The following CHRM3 variants were observed in gnomAD, a reference collection of about 807,000 sequenced individuals.
CHRM3 encodes cholinergic receptor muscarinic 3.
A neutral mutation model predicts 41.8 loss-of-function variants in CHRM3; 11 were observed. The ratio of observed to expected loss-of-function variants is 0.26; its 90% confidence interval spans 0.17 to 0.44. CHRM3 has a LOEUF of 0.44. CHRM3 is among the 20% of genes least tolerant of loss of function. The pLI is 1.00. For synonymous variants in CHRM3, 297 were observed against 301.4 expected, an observed-to-expected ratio of 0.99 and a Z score of 0.15; for missense variants, 571 against 745.4, an observed-to-expected ratio of 0.77 and a Z score of 2.72.
chr1:239,447,041 G>T (rs993837621), intron 1 of CHRM3, among the ~76,000 whole-genome samples: 1 of 152,088 alleles, frequency 6.6e-6, no homozygotes, highest in African/African-American at 2.4e-5. Flanking sequence ...AGCAATTTTT[G>T]TTTCTTTTGG....
chr1:239,514,834 C>G (rs1404188111), intron 2 of CHRM3, among the ~76,000 whole-genome samples: 1 of 152,082 alleles, frequency 6.6e-6, no homozygotes, highest in Non-Finnish European at 1.5e-5. Context: ...GGCTGCCGAA[C>G]TTGATCTAGG....
At chr1:239,892,330 T>A (rs1678622352) in intron 6 of CHRM3, among the ~76,000 whole-genome samples, 1 of 152,240 alleles carries the variant, frequency 6.6e-6, no homozygotes, top group Non-Finnish European at 1.5e-5. Flanking sequence ...TTTCTGTACT[T>A]GTTTCATTTT....
At position 239,673,973 on chromosome 1, in the gene CHRM3, G is replaced by A. The variant is rs76488552; in HGVS notation, c.-249-4213G>A. ...TCCAAAACTTTTTGAGCACCAACAT[G>A]ACACTCGAAGGAAATGCTACCTGGA... On this transcript the variant is annotated intron_variant, in intron 4 of 6. Coordinates refer to ENST00000676153, the MANE Select transcript of CHRM3 (RefSeq NM_001375978.1). Among the ~76,000 whole-genome samples the A allele has an allele frequency of 6.8e-3, 1,028 of 152,172 alleles. 15 individuals carry two copies. Among genetic ancestry groups the A allele is most frequent in the African/African-American group, 0.024 (997 of 41,506 alleles).
chr1:239,642,925 A>G (rs1671344336), intron 4 of CHRM3, among the ~76,000 whole-genome samples: 1 of 152,026 alleles, frequency 6.6e-6, no homozygotes, highest in African/African-American at 2.4e-5. Context: ...GATGATGGTG[A>G]TGTACAGATG....
chr1:239,443,338 T>C (rs1663873839), intron 1 of CHRM3, among the ~76,000 whole-genome samples: 1 of 152,218 alleles, frequency 6.6e-6, no homozygotes, highest in Non-Finnish European at 1.5e-5. Flanking sequence ...GAGAATTTCC[T>C]ATTCAAGTTT....
intron 4 of CHRM3, among the ~76,000 whole-genome samples, chr1:239,673,712 A>T (rs1351329375): frequency 6.6e-6 from 1 of 152,076 alleles, no homozygotes; most frequent in Non-Finnish European, 1.5e-5. Flanking sequence ...GTATCTATTT[A>T]TCATCAGAGC....
intron 5 of CHRM3, among the ~76,000 whole-genome samples, chr1:239,755,926 GA>G (rs1285822730): frequency 6.6e-6 from 1 of 152,052 alleles, no homozygotes; most frequent in Non-Finnish European, 1.5e-5. Context: ...GGAATACAAA[GA>G]AAAAAATCAC....
intron 6 of CHRM3, among the ~76,000 whole-genome samples, chr1:239,897,312 G>GA (rs947635106): frequency 4.7e-5 from 7 of 150,332 alleles, no homozygotes; most frequent in East Asian, 2.0e-4. Context: ...TATGGACCTG[G>GA]AAAAAAAAAG....
intron 6 of CHRM3, among the ~76,000 whole-genome samples, chr1:239,873,596 G>A (rs1313958267): frequency 2.0e-5 from 3 of 151,508 alleles, no homozygotes; most frequent in Non-Finnish European, 4.4e-5. Context: ...TGCAGTGTTT[G>A]GTTTTCTGCT....
rs139458995 is a variant in CHRM3, at chr1:239,503,548, A to G, written c.-422+10741A>G. Among the ~76,000 whole-genome samples, 72 of 152,280 alleles carry G rather than the reference A, an allele frequency of 4.7e-4. 1 individual carries two copies. The highest frequency in any genetic ancestry group is 7.8e-4 in the Admixed American group (12 of 15,296). On this transcript the variant is annotated intron_variant, in intron 2 of 6. Transcript: ENST00000676153. ...TACCACCATCATTCTTCACAGAATTAGAAAAAAAAATTCTAAAAATAATAT... is the reference window on the plus strand; with the variant it reads ...TACCACCATCATTCTTCACAGAATTGGAAAAAAAAATTCTAAAAATAATAT...
intron 2 of CHRM3, among the ~76,000 whole-genome samples, chr1:239,500,359 C>T (rs570121785): frequency 2.5e-4 from 38 of 151,528 alleles, no homozygotes; most frequent in African/African-American, 8.0e-4. Context: ...AGCAAACTAC[C>T]GCAAGGACAA....
intron 2 of CHRM3, among the ~76,000 whole-genome samples, chr1:239,525,718 C>T (rs1669949718): frequency 6.6e-6 from 1 of 152,170 alleles, no homozygotes; most frequent in Non-Finnish European, 1.5e-5. Context: ...ATTTAATTTG[C>T]AACTCTCCAA....
At position 239,435,963 on chromosome 1, in the gene CHRM3, G is replaced by T. The variant is rs531790189; in HGVS notation, c.-521+48736G>T. On this transcript the variant is annotated intron_variant, in intron 1 of 6. Transcript: ENST00000676153. ...TGGAAAACGTTTCTTTGGGGGCTGTGCTCACCATTAAAGTGGGGAAGTGGA... is the reference window on the plus strand; with the variant it reads ...TGGAAAACGTTTCTTTGGGGGCTGTTCTCACCATTAAAGTGGGGAAGTGGA... 2.6e-5 allele frequency among the ~76,000 whole-genome samples: 4 copies of T among 152,194 alleles called. No individual in the cohort carries two copies. The South Asian group carries it at 8.3e-4, about 32-fold the overall frequency.
rs1658200100 is a variant in CHRM3 at position 239,678,214 on chromosome 1, T to C, written c.-221T>C. ...TTGCTGTGGCGTGGCACCTGGTCTC[T>C]TTCTAGAAGGAAAGTTCAACATACA... is the stretch of plus-strand genomic sequence containing the variant. On this transcript the variant is annotated 5_prime_UTR_variant, in exon 5 of 7. Transcript: ENST00000676153. The C allele has an allele frequency of 6.6e-6, 1 of 152,232 alleles. No individual in the cohort carries two copies. Among genetic ancestry groups the C allele is most frequent in the Non-Finnish European group, 1.5e-5 (1 of 68,062 alleles). 9.4% of individuals were successfully genotyped at this position (152,232 alleles called of 1,614,324 possible). A position where few individuals can be genotyped will look rare whatever the true frequency, so the allele number is the denominator to read the frequency against.
intron 3 of CHRM3, among the ~76,000 whole-genome samples, chr1:239,551,646 A>G (rs1053694955): frequency 6.6e-6 from 1 of 152,168 alleles, no homozygotes; most frequent in Non-Finnish European, 1.5e-5. Flanking sequence ...AAATTTTATC[A>G]TACAATTGTA....
At chr1:239,856,410 G>A (rs1558182936) in intron 6 of CHRM3, among the ~76,000 whole-genome samples, 1 of 152,070 alleles carries the variant, frequency 6.6e-6, no homozygotes, top group Admixed American at 6.6e-5. Context: ...TTGTTTAAAA[G>A]TGGGTAGCAC....
chr1:239,492,475 T>C (rs2148071515), intron 1 of CHRM3, among the ~76,000 whole-genome samples: 1 of 152,286 alleles, frequency 6.6e-6, no homozygotes, highest in Non-Finnish European at 1.5e-5. Flanking sequence ...ACTTACCCAC[T>C]CATCTAAACA....
At chr1:239,699,133 T>C (rs1660457001) in intron 5 of CHRM3, among the ~76,000 whole-genome samples, 1 of 152,074 alleles carries the variant, frequency 6.6e-6, no homozygotes, top group African/African-American at 2.4e-5. Flanking sequence ...ATATTGCATG[T>C]GTTGTTTCTG....
rs531506750 is a variant in CHRM3 at position 239,893,932 on chromosome 1, G to A, written c.-19-13501G>A. On this transcript the variant is annotated intron_variant, in intron 6 of 6. Coordinates refer to ENST00000676153, the MANE Select transcript of CHRM3 (RefSeq NM_001375978.1). ...CCTATTGGTGAGGTTTTTCCGCTTT[G>A]TATCTTATCTCTTTCTTCACCTCCT... Among the ~76,000 whole-genome samples the A allele has an allele frequency of 3.9e-5, 6 of 152,020 alleles. No individual in the cohort carries two copies. In the East Asian group the frequency reaches 1.2e-3, roughly 29 times the overall value.
Sources: gnomAD v4.1 joint callset for allele counts (sites outside exome capture counted in the v4.1 genomes callset) on GRCh38, gnomAD v4.1.1 for gene constraint, MANE v1.5 for transcripts, NCBI Gene and HGNC (gene_info 2026-07-23, HGNC 2026-07-21) for gene names.